The following XRRA1 variants were observed in gnomAD, a reference collection of about 807,000 sequenced individuals.
XRRA1 encodes the protein X-ray radiation resistance associated 1.
A neutral mutation model predicts 80.2 loss-of-function variants in XRRA1; 69 were observed. The ratio of observed to expected loss-of-function variants is 0.86; its 90% CI spans 0.71 to 1.05. The LOEUF is 1.05. Ranked by LOEUF, XRRA1 falls within the 50% of genes least tolerant of loss-of-function variation. The pLI, the probability that XRRA1 is intolerant of heterozygous loss-of-function variation, is 0.00. For missense variants in XRRA1, 967 were observed against 976.4 expected, an observed-to-expected ratio of 0.99 and a Z score of 0.13; for synonymous variants, 348 against 389.9, an observed-to-expected ratio of 0.89 and a Z score of 1.27.
At position 74,844,260 on chromosome 11, in the gene XRRA1, G is replaced by C. The variant is rs940356769; in HGVS notation, c.1951C>G (p.Leu651Val). Residue 651 changes from leucine (L) to valine (V), a missense_variant, in exon 17 of 19, where the codon CTG becomes GTG. Coordinates refer to ENST00000684022, the MANE Select transcript of XRRA1 (RefSeq NM_001378157.1). ...PKGIQKNAQALQQMLKHPLLC... is the reference protein window; with the variant it reads ...PKGIQKNAQAVQQMLKHPLLC... ...AGTGGGTGCTTCAGCATTTGTTGCA[G>C]GGCTTGTGCATTCTTCTGGATTCCT... is the stretch of plus-strand genomic sequence containing the variant. 13 of 1,613,218 alleles carry C rather than the reference G, an allele frequency of 8.1e-6. No homozygotes were observed. Among genetic ancestry groups the C allele is most frequent in the Non-Finnish European group, 1.0e-5 (12 of 1,179,830 alleles).
At position 74,937,043 on chromosome 11, in the gene XRRA1, C is replaced by T. The variant is rs1945162186; in HGVS notation, c.120G>A (p.Gln40=). 6.2e-7 allele frequency: 1 copy of T among 1,613,764 alleles called. No homozygotes were observed. The highest frequency in any genetic ancestry group is 2.2e-5 in the East Asian group (1 of 44,886). The change falls in exon 4 of 19, where the codon CAG becomes CAA. Residue 40 remains glutamine, a synonymous_variant. Transcript: ENST00000684022. ...TGGGCTTCTTCTTGAGGTTACCTTT[C>T]TGAACCACTAACCAGTGTCCTTGGC... The part of the protein sequence containing the change: ...EEGQGHWLVV[Q]KGNLKKKPKG...
chr11:74,914,795 T>C (rs1269181896), intron 8 of XRRA1, among the ~76,000 whole-genome samples: 1 of 151,646 alleles, frequency 6.6e-6, no homozygotes, highest in Non-Finnish European at 1.5e-5. Context: ...TACTATGTGA[T>C]CATGCAACCT....
At chr11:74,891,254 C>G (rs2050618010) in intron 10 of XRRA1, among the ~76,000 whole-genome samples, 1 of 152,292 alleles carries the variant, frequency 6.6e-6, no homozygotes, top group South Asian at 2.1e-4. Flanking sequence ...TCAACATATG[C>G]AAATCAATAA....
chr11:74,849,032 A>G (rs1310088927), intron 14 of XRRA1, among the ~76,000 whole-genome samples: 2 of 152,194 alleles, frequency 1.3e-5, no homozygotes, highest in Admixed American at 6.5e-5. Flanking sequence ...GACCAAGAAA[A>G]TAATTCCCTT....
At chr11:74,879,290 C>T (rs2046879376) in intron 10 of XRRA1, among the ~76,000 whole-genome samples, 1 of 151,484 alleles carries the variant, frequency 6.6e-6, no homozygotes, top group Non-Finnish European at 1.5e-5. Context: ...TATAAGAATG[C>T]TTGTGATTTT....
chr11:74,859,103 C>T, intron 12 of XRRA1, 55 bp downstream of exon 12: 1 of 1,523,266 alleles, frequency 6.6e-7, no homozygotes, highest in Non-Finnish European at 8.7e-7. Context: ...GAGCAACTTG[C>T]ATCCCACCTT....
rs200849151 is a variant in XRRA1 at position 74,851,069 on chromosome 11, C to T, written c.1380+19G>A. On this transcript the variant is annotated intron_variant, in intron 14 of 18. Transcript: ENST00000684022. Reference sequence around the variant, plus strand: ...CTGCACTCTTCCTGGGGGTGGGAGTCCTGCCTTGGAAGCCCTACCTTCCAT... The same window carrying T: ...CTGCACTCTTCCTGGGGGTGGGAGTTCTGCCTTGGAAGCCCTACCTTCCAT... 7.5e-6 allele frequency: 12 copies of T among 1,594,654 alleles called. No homozygotes were observed. The East Asian group carries it at 2.7e-4, about 36-fold the overall frequency.
In XRRA1 at chr11:74,921,364, A is replaced by G; in HGVS notation, c.523-17T>C. 1 of 1,613,730 alleles carries G rather than the reference A, an allele frequency of 6.2e-7. No homozygotes were observed. The highest frequency in any genetic ancestry group is 8.5e-7 in the Non-Finnish European group (1 of 1,179,718). ...GTCCAAGAACTGCCATGCAAAGATG[A>G]AAGATGGGGAAGGTAAGCACTCTGT... On this transcript the variant is annotated splice_polypyrimidine_tract_variant and intron_variant, in intron 7 of 18. Coordinates refer to ENST00000684022, the MANE Select transcript of XRRA1 (RefSeq NM_001378157.1).
At position 74,843,006 on chromosome 11, in the gene XRRA1, G is replaced by A; in HGVS notation, c.*194C>T. On this transcript the variant is annotated 3_prime_UTR_variant, in exon 19 of 19. Coordinates refer to ENST00000684022, the MANE Select transcript of XRRA1 (RefSeq NM_001378157.1). Reference sequence around the variant, plus strand: ...CCACTCTTTATTGCCGCTGGGCCAGGCACCAGGTCATGCCTGGGCCAAGGA... The same window carrying A: ...CCACTCTTTATTGCCGCTGGGCCAGACACCAGGTCATGCCTGGGCCAAGGA... 1.4e-6 allele frequency: 1 copy of A among 694,082 alleles called. No individual in the cohort carries two copies. The highest frequency in any genetic ancestry group is 2.3e-6 in the Non-Finnish European group (1 of 428,624). The allele number at this position is 694,082 out of a possible 1,614,324, so 43.0% of individuals were successfully genotyped here. A position where few individuals can be genotyped will look rare whatever the true frequency, so the allele number is the denominator to read the frequency against.
chr11:74,895,308 T>C (rs1422756720), intron 10 of XRRA1, among the ~76,000 whole-genome samples: 1 of 152,192 alleles, frequency 6.6e-6, no homozygotes, highest in Non-Finnish European at 1.5e-5. Flanking sequence ...CGTGCTGCCC[T>C]GTCACAGCAG....
chr11:74,857,326 A>G (rs2041343208), intron 12 of XRRA1, among the ~76,000 whole-genome samples: 1 of 152,218 alleles, frequency 6.6e-6, no homozygotes, highest in Admixed American at 6.5e-5. Flanking sequence ...TGCAAACAGT[A>G]AGTATAAGGA....
In XRRA1 at chr11:74,861,642, C is replaced by T. The variant is rs1032932464; in HGVS notation, c.1044+1339G>A. On this transcript the variant is annotated intron_variant, in intron 11 of 18. Coordinates refer to ENST00000684022, the MANE Select transcript of XRRA1 (RefSeq NM_001378157.1). ...TAAAGTACATAATAAATGTAATGCA[C>T]TTTCATCATCCGAAACCACCCACCC... 3.9e-5 allele frequency among the ~76,000 whole-genome samples: 6 copies of T among 152,344 alleles called. 1 individual carries two copies. Among genetic ancestry groups the T allele is most frequent in the Admixed American group, 1.3e-4 (2 of 15,310 alleles).
At chr11:74,940,411 G>A (rs191845502) in intron 3 of XRRA1, among the ~76,000 whole-genome samples, 5 of 152,294 alleles carry the variant, frequency 3.3e-5, no homozygotes, top group African/African-American at 1.2e-4. Flanking sequence ...TTTGTGGAAT[G>A]GGAAGAGTTT....
intron 10 of XRRA1, among the ~76,000 whole-genome samples, chr11:74,887,730 T>G (rs2049415055): frequency 1.3e-5 from 2 of 152,106 alleles, no homozygotes; most frequent in South Asian, 2.1e-4. Context: ...ACCCTAATAC[T>G]GCGCTTTTCC....
intron 11 of XRRA1, among the ~76,000 whole-genome samples, chr11:74,860,119 C>T (rs575444514): frequency 2.0e-5 from 3 of 152,276 alleles, no homozygotes; most frequent in Admixed American, 2.0e-4. Flanking sequence ...TTAAATTTTG[C>T]TTGTTCATTC....
At chr11:74,851,827 G>A (rs1163649965) in intron 13 of XRRA1, among the ~76,000 whole-genome samples, 162 bp downstream of exon 13, 2 of 152,178 alleles carry the variant, frequency 1.3e-5, no homozygotes, top group African/African-American at 2.4e-5. Flanking sequence ...GTCAGGAAGC[G>A]CTGGTACAGA....
chr11:74,875,296 C>T, intron 10 of XRRA1, among the ~76,000 whole-genome samples: 1 of 152,158 alleles, frequency 6.6e-6, no homozygotes, highest in East Asian at 1.9e-4. Flanking sequence ...GCACCTGAAG[C>T]CCCCTCTAAT....
At chr11:74,881,705 G>A (rs1427201996) in intron 10 of XRRA1, among the ~76,000 whole-genome samples, 1 of 151,848 alleles carries the variant, frequency 6.6e-6, no homozygotes, top group African/African-American at 2.4e-5. Context: ...CAGGCCTGGT[G>A]GTGACAAAAT....
At chr11:74,878,534 T>C (rs2046644798) in intron 10 of XRRA1, among the ~76,000 whole-genome samples, 1 of 152,160 alleles carries the variant, frequency 6.6e-6, no homozygotes, top group Non-Finnish European at 1.5e-5. Context: ...ATGAAGTCCT[T>C]GCCCCTGCCT....
Sources: gnomAD v4.1 joint callset for allele counts (sites outside exome capture counted in the v4.1 genomes callset) on GRCh38, gnomAD v4.1.1 for gene constraint, MANE v1.5 for transcripts, NCBI Gene and HGNC (gene_info 2026-07-23, HGNC 2026-07-21) for gene names.